FAT1: variants seen among roughly 807,000 people sequenced by gnomAD.
FAT1 encodes the protein FAT atypical cadherin 1, also known as protocadherin Fat 1.
Under a neutral mutation model 329.8 loss-of-function variants are expected in FAT1, and 171 were observed. The ratio of observed to expected loss-of-function variants is 0.52; its 90% CI spans 0.46 to 0.59. The LOEUF is 0.59. Ranked by LOEUF, FAT1 falls within the 20% of genes least tolerant of loss-of-function variation. The probability of loss-of-function intolerance (pLI) is 0.00; values close to 1 mark genes in which losing one functional copy is unlikely to be tolerated. For missense variants in FAT1, 5,672 were observed against 5,774.4 expected (o/e 0.98, Z 0.57); for synonymous variants, 2,233 against 2,228.6 (o/e 1.00, Z -0.06).
chr4:186,644,987 G>C (rs1741287737), intron 3 of FAT1, among the ~76,000 whole-genome samples: 1 of 152,152 alleles, frequency 6.6e-6, no homozygotes, highest in Non-Finnish European at 1.5e-5. Context: ...AGTAAGACAG[G>C]ATAGATTGTA....
At chr4:186,724,737 G>A (rs1031961287), upstream of FAT1, among the ~76,000 whole-genome samples, 2 of 152,220 alleles carry the variant, frequency 1.3e-5, no homozygotes, top group Admixed American at 1.3e-4. This position sits in a 1 kb window ranked among gnomAD's most constrained non-coding sequence, Gnocchi z 5.3. Flanking sequence ...GGCGCAGGGC[G>A]GACTCGGCCG....
rs2126493616 is a variant in FAT1, at chr4:186,618,313, C to A, written c.8273G>T (p.Gly2758Val). Residue 2758 changes from glycine to valine, a missense_variant, in exon 10 of 27, where the codon GGG becomes GTG. By Grantham distance (109) the Gly-to-Val change is moderately radical. Transcript: ENST00000441802. ...AAGACTCTTCTCCAACTTCAGTCTC[C>A]CGCTCTGTCTGTCAATCACAAAGGA... ...DESFVIDRQSGRLKLEKSLDH... is the reference protein window; with the variant it reads ...DESFVIDRQSVRLKLEKSLDH... 1.2e-6 allele frequency: 2 copies of A among 1,614,022 alleles called. No homozygotes were observed. The highest frequency in any genetic ancestry group is 4.5e-5 in the East Asian group (2 of 44,878).
At position 186,609,789 on chromosome 4, in the gene FAT1, A is replaced by G. The variant is rs1372726671; in HGVS notation, c.10068+12T>C. 6.3e-7 allele frequency: 1 copy of G among 1,594,716 alleles called. No individual in the cohort carries two copies. Among genetic ancestry groups the G allele is most frequent in the Non-Finnish European group, 8.6e-7 (1 of 1,162,414 alleles). Reference sequence around the variant, plus strand: ...TACACAGTTTTCACTGTAATGGGGAAAAAATACACACCGTGATGACAGACT... The same window carrying G: ...TACACAGTTTTCACTGTAATGGGGAGAAAATACACACCGTGATGACAGACT... On this transcript the variant is annotated intron_variant, in intron 15 of 26. Transcript: ENST00000441802.
chr4:186,654,790 G>A lies in FAT1; in HGVS notation c.3580+8509C>T, dbSNP rs148712502. 7.3e-3 allele frequency among the ~76,000 whole-genome samples: 1,108 copies of A among 152,082 alleles called. 6 individuals are homozygous for A. Among genetic ancestry groups the A allele is most frequent in the Non-Finnish European group, 0.012 (788 of 67,988 alleles). On this transcript the variant is annotated intron_variant, in intron 3 of 26. Transcript: ENST00000441802. ...GCTGGTCGTGGTGGTGCAGGTCTGT[G>A]ATCCCAGCTATTCAGGAGACCGAGG...
intron 3 of FAT1, among the ~76,000 whole-genome samples, chr4:186,654,026 G>A (rs1741789623): frequency 6.6e-6 from 1 of 152,184 alleles, no homozygotes; most frequent in Non-Finnish European, 1.5e-5. Context: ...GCAAAGAGTA[G>A]ATAAGAGACA....
chr4:186,622,035 A>G (rs966355853), intron 9 of FAT1, among the ~76,000 whole-genome samples: 1 of 152,232 alleles, frequency 6.6e-6, no homozygotes, highest in Non-Finnish European at 1.5e-5. Flanking sequence ...TAGCGAAGCC[A>G]AAACTCCCTC....
At chr4:186,595,159 T>C (rs889902279) in intron 26 of FAT1, among the ~76,000 whole-genome samples, 11 of 152,180 alleles carry the variant, frequency 7.2e-5, no homozygotes, top group African/African-American at 2.4e-4. Context: ...TCTTAAACTG[T>C]GCTCTGGCAG....
chr4:186,651,145 A>C, intron 3 of FAT1, among the ~76,000 whole-genome samples: 1 of 123,348 alleles, frequency 8.1e-6, no homozygotes, highest in East Asian at 2.0e-4. Flanking sequence ...AAATTTATTT[A>C]TTAATAATAA....
At chr4:186,669,299 G>A (rs1742621482) in intron 2 of FAT1, among the ~76,000 whole-genome samples, 1 of 152,182 alleles carries the variant, frequency 6.6e-6, no homozygotes, top group African/African-American at 2.4e-5. Context: ...GGGGTGACAG[G>A]GAAACTCTGT....
At chr4:186,686,760 T>C (rs1385788001) in intron 2 of FAT1, among the ~76,000 whole-genome samples, 8 of 152,158 alleles carry the variant, frequency 5.3e-5, no homozygotes. Context: ...TCTCAGATGA[T>C]CCCATGAAAC....
intron 2 of FAT1, among the ~76,000 whole-genome samples, chr4:186,680,866 A>G (rs1282353502): frequency 3.3e-5 from 5 of 152,190 alleles, no homozygotes; most frequent in African/African-American, 9.6e-5. Context: ...CACAAATCTC[A>G]TAAGACTGAA....
At position 186,707,277 on chromosome 4, in the gene FAT1, G is replaced by T. The variant is rs1329128074; in HGVS notation, c.2551C>A (p.Leu851Met). 1 of 1,613,966 alleles carries T rather than the reference G, an allele frequency of 6.2e-7. No homozygotes were observed. Among genetic ancestry groups the T allele is most frequent in the Non-Finnish European group, 8.5e-7 (1 of 1,179,890 alleles). ...IIQVEATDKD[L>M]GPNGHVTYSI... ...TACGTCACGTGTCCGTTGGGCCCCA[G>T]GTCTTTATCTGTGGCTTCAACCTGG... Residue 851 changes from leucine (L) to methionine (M), a missense_variant, in exon 2 of 27, where the codon CTG becomes ATG. Physicochemically the swap from Leu to Met is conservative, Grantham distance 15. This residue lies in a region of FAT1 where 3,966 missense variants were observed against 3,915.2 expected (regional missense o/e 1.01). Transcript: ENST00000441802.
chr4:186,706,746 T>C lies in FAT1; in HGVS notation c.3082A>G (p.Asn1028Asp), dbSNP rs779394768. 2 of 1,613,960 alleles carry C rather than the reference T, an allele frequency of 1.2e-6. No individual in the cohort carries two copies. The highest frequency in any genetic ancestry group is 3.3e-5 in the Admixed American group (2 of 60,020). ...VEVEVVDVNE[N>D]LHPPVFSSFV... ...CTGGAAAACACGGGTGGGTGCAGGT[T>C]CTCATTCACATCAACCACCTCAACT... Residue 1028 changes from asparagine to aspartate, a missense_variant, in exon 2 of 27, where the codon AAC (asparagine) becomes GAC (aspartate). By Grantham distance (23) the Asn-to-Asp change is conservative (BLOSUM62 1). This residue lies in a region of FAT1 where 3,966 missense variants were observed against 3,915.2 expected (regional missense o/e 1.01). Coordinates refer to ENST00000441802, the MANE Select transcript of FAT1 (RefSeq NM_005245.4).
At chr4:186,726,030 C>G (rs1367968239), upstream of FAT1, among the ~76,000 whole-genome samples, 1 of 152,240 alleles carries the variant, frequency 6.6e-6, no homozygotes, top group Non-Finnish European at 1.5e-5. Context: ...GCGCTGCGCC[C>G]CTGCAAATCT....
intron 22 of FAT1, 119 bp downstream of exon 22, chr4:186,599,779 G>A (rs1738706913): frequency 1.6e-5 from 12 of 766,924 alleles, no homozygotes; most frequent in Non-Finnish European, 2.3e-5. Context: ...AACACTGACT[G>A]CAGTGTCTGA....
chr4:186,636,220 T>C lies in FAT1; in HGVS notation c.3988A>G (p.Asn1330Asp). 2 of 1,613,994 alleles carry C rather than the reference T, an allele frequency of 1.2e-6. No individual in the cohort carries two copies. Among genetic ancestry groups the C allele is most frequent in the Middle Eastern group, 1.6e-4 (1 of 6,062 alleles). The change falls in exon 6 of 27, where the codon AAT (asparagine) becomes GAT (aspartate). Residue 1330 changes from asparagine to aspartate, a missense_variant. By Grantham distance (23) the Asn-to-Asp change is conservative. Transcript: ENST00000441802. ...YDILSIKAVD[N>D]GRPQKSSTTR... ...GTTGATGACTTTTGAGGGCGACCAT[T>C]GTCAACTGCCTTAATCTACAACATT...
At position 186,645,410 on chromosome 4, in the gene FAT1, T is replaced by C. The variant is rs1446085290; in HGVS notation, c.3581-5627A>G. On this transcript the variant is annotated intron_variant, in intron 3 of 26. Transcript: ENST00000441802. ...ATATATATATATATATATATATATA[T>C]ATATATATATATGCCTGTAAAAAAC... 3.1e-5 allele frequency among the ~76,000 whole-genome samples: 3 copies of C among 96,374 alleles called. No individual in the cohort carries two copies. In the Admixed American group the frequency reaches 3.1e-4, roughly 10 times the overall value. The allele number at this position is 96,374 out of a possible 152,430, so 63.2% of individuals were successfully genotyped here.
At position 186,614,024 on chromosome 4, in the gene FAT1, C is replaced by T. The variant is rs9991804; in HGVS notation, c.9229+167G>A. Among the ~76,000 whole-genome samples the T allele has an allele frequency of 0.069, 10,551 of 152,078 alleles. 362 individuals are homozygous for T. The highest frequency in any genetic ancestry group is 0.12 in the Middle Eastern group (36 of 294). On this transcript the variant is annotated intron_variant, in intron 12 of 26. Coordinates refer to ENST00000441802, the MANE Select transcript of FAT1 (RefSeq NM_005245.4). ...TTAAAAAATCTCACCTTGAATTTTA[C>T]GCACTAAATTGCTGGTAAGATTTCT... is the stretch of plus-strand genomic sequence containing the variant.
chr4:186,709,045 T>A lies in FAT1; in HGVS notation c.783A>T (p.Thr261=), dbSNP rs776020541. 6.2e-7 allele frequency: 1 copy of A among 1,614,008 alleles called. No homozygotes were observed. Among genetic ancestry groups the A allele is most frequent in the East Asian group, 2.2e-5 (1 of 44,890 alleles). ...CCCTGTCCAGTTCTGATGGTGACAA[T>A]GTCACTGCTGTTATCACCGGAGCAC... is the stretch of plus-strand genomic sequence containing the variant. The part of the protein sequence containing the change: ...NECAPVITAV[T]LSPSELDRDP... The change falls in exon 2 of 27, where the codon ACA becomes ACT. Residue 261 remains threonine, a synonymous_variant. Transcript: ENST00000441802.
Sources: gnomAD v4.1 joint callset for allele counts (sites outside exome capture counted in the v4.1 genomes callset) on GRCh38, gnomAD v4.1.1 for gene constraint, gnomAD v4.1.1 regional missense constraint, Gnocchi (gnomAD v3.1) non-coding constraint, MANE v1.5 for transcripts, NCBI Gene and HGNC (gene_info 2026-07-23, HGNC 2026-07-21) for gene names.